The following EHMT1 variants were observed in gnomAD, a reference collection of about 807,000 sequenced individuals.
The protein encoded by EHMT1 is euchromatic histone lysine methyltransferase 1.
A neutral mutation model predicts 147.2 loss-of-function variants in EHMT1; 15 were observed. That is an observed-to-expected ratio of 0.10 (90% CI 0.07 to 0.16). The LOEUF is 0.16. Among genes scored for constraint, EHMT1 ranks in the 10% least tolerant of loss-of-function variants. The pLI is 1.00. For synonymous variants in EHMT1, 795 were observed against 709.6 expected (o/e 1.12, Z -1.91); for missense variants, 1,587 against 1,772.4 (o/e 0.90, Z 1.88).
intron 2 of EHMT1, among the ~76,000 whole-genome samples, chr9:137,713,053 G>T (rs1944884538): frequency 6.6e-6 from 1 of 152,104 alleles, no homozygotes; most frequent in South Asian, 2.1e-4. Flanking sequence ...TCATTGAATT[G>T]TTCTTGCACC....
chr9:137,641,384 T>G (rs1375940166), intron 1 of EHMT1: 1 of 522,622 alleles, frequency 1.9e-6, no homozygotes, highest in Non-Finnish European at 3.8e-6. Context: ...AAAAACCTAT[T>G]CTGTAACCTG....
rs1056159091 is a variant in EHMT1 at position 137,758,149 on chromosome 9, G to A, written c.1501+138G>A. The A allele has an allele frequency of 8.3e-6, 10 of 1,204,854 alleles. No individual in the cohort carries two copies. The African/African-American group carries it at 1.5e-4, about 18-fold the overall frequency. The allele number at this position is 1,204,854 out of a possible 1,614,324, so 74.6% of individuals were successfully genotyped here. The stretch of plus-strand genomic sequence containing the variant: ...TAACTGCATCACTTCCAGCTGAGGT[G>A]TAGACAGGATGGGGTGCGTTTGCTG... On this transcript the variant is annotated intron_variant, in intron 9 of 26. Transcript: ENST00000460843.
chr9:137,802,797 T>G (rs762639684), intron 18 of EHMT1: 50 of 1,231,466 alleles, frequency 4.1e-5, no homozygotes, highest in Non-Finnish European at 5.1e-5. Flanking sequence ...AGGGCTTCCA[T>G]GACTGTATCC....
intron 1 of EHMT1, among the ~76,000 whole-genome samples, chr9:137,632,651 G>T (rs1843707833): frequency 3.9e-5 from 6 of 152,174 alleles, no homozygotes; most frequent in African/African-American, 1.2e-4. Flanking sequence ...CCATCTGCCT[G>T]CCTTGGCCTC....
intron 26 of EHMT1, 67 bp downstream of exon 26, chr9:137,834,591 A>C: frequency 6.2e-7 from 1 of 1,603,362 alleles, no homozygotes; most frequent in South Asian, 1.1e-5. Context: ...CGGGGCTCGC[A>C]TTGCTTTCCT....
At chr9:137,621,056 A>C (rs758468206) in intron 1 of EHMT1, among the ~76,000 whole-genome samples, 3 of 152,240 alleles carry the variant, frequency 2.0e-5, no homozygotes, top group Admixed American at 1.3e-4. Flanking sequence ...GTGGCCAAGA[A>C]GATGGAGTTG....
chr9:137,717,224 CTT>C (rs2135514317), intron 3 of EHMT1, 42 bp downstream of exon 3: 1 of 1,604,354 alleles, frequency 6.2e-7, no homozygotes, highest in South Asian at 1.1e-5. Context: ...TTTCCCATCT[CTT>C]TTGTTTTAAT....
intron 3 of EHMT1, 156 bp downstream of exon 3, chr9:137,717,338 T>TA: frequency 1.0e-6 from 1 of 978,736 alleles, no homozygotes; most frequent in Non-Finnish European, 1.6e-6. Flanking sequence ...AGCAGTGGCT[T>TA]ACAGCTGTTA....
intron 8 of EHMT1, among the ~76,000 whole-genome samples, chr9:137,757,340 G>T (rs189377787): frequency 6.6e-6 from 1 of 152,220 alleles, no homozygotes; most frequent in Non-Finnish European, 1.5e-5. Flanking sequence ...TACTGGAGTC[G>T]ACACTGATCC....
At chr9:137,779,820 G>C in intron 14 of EHMT1, 103 bp downstream of exon 14, 1 of 1,338,058 alleles carries the variant, frequency 7.5e-7, no homozygotes, top group South Asian at 1.2e-5. Context: ...GTCTCGTTTT[G>C]GTTTTCTGTT....
intron 14 of EHMT1, among the ~76,000 whole-genome samples, chr9:137,781,483 A>G (rs913693840): frequency 1.6e-4 from 23 of 147,802 alleles, no homozygotes; most frequent in South Asian, 4.3e-4. Flanking sequence ...ATGACGCTGG[A>G]ATGTGTGGTG....
At chr9:137,644,441 C>T (rs183411389) in intron 1 of EHMT1, among the ~76,000 whole-genome samples, 1 of 151,936 alleles carries the variant, frequency 6.6e-6, no homozygotes, top group Non-Finnish European at 1.5e-5. Context: ...TCTCCTTCCT[C>T]AGCCTCCCGA....
Position 137,786,580 on chromosome 9 carries a change from G to A in EHMT1, c.2382+4183G>A, listed in dbSNP as rs548392108. ...TCTCTCCCGGGCTCCGGTCTTGGTCGTGTGGAGTCATCTCTCCCGGGCTCT... is the reference window on the plus strand; with the variant it reads ...TCTCTCCCGGGCTCCGGTCTTGGTCATGTGGAGTCATCTCTCCCGGGCTCT... On this transcript the variant is annotated intron_variant, in intron 15 of 26. Transcript: ENST00000460843. The surrounding 1 kb of genome is among the most constrained non-coding windows in gnomAD (Gnocchi z 4.3). 8 of 154,232 alleles carry A rather than the reference G, an allele frequency of 5.2e-5. No individual in the cohort carries two copies. The highest frequency in any genetic ancestry group is 1.9e-4 in the East Asian group (1 of 5,148). 9.6% of individuals were successfully genotyped at this position (154,232 alleles called of 1,614,324 possible). A position where few individuals can be genotyped will look rare whatever the true frequency, so the allele number is the denominator to read the frequency against.
intron 1 of EHMT1, among the ~76,000 whole-genome samples, chr9:137,695,825 C>T (rs1684410420): frequency 6.6e-6 from 1 of 152,218 alleles, no homozygotes; most frequent in African/African-American, 2.4e-5. Flanking sequence ...AGGGGGATAC[C>T]GACCCACCTC....
At chr9:137,728,834 T>C (rs561706052) in intron 4 of EHMT1, among the ~76,000 whole-genome samples, 6 of 152,182 alleles carry the variant, frequency 3.9e-5, no homozygotes, top group Non-Finnish European at 8.8e-5. Context: ...AGTTGGAAGC[T>C]TTCCTGGTTT....
intron 17 of EHMT1, among the ~76,000 whole-genome samples, chr9:137,799,879 T>C (rs4876948): frequency 0.83 from 126,903 of 152,272 alleles, 53,425 homozygotes; most frequent in East Asian, 1. Context: ...TGAAGCATCC[T>C]CTGACCTCTT....
intron 1 of EHMT1, among the ~76,000 whole-genome samples, chr9:137,647,366 C>T (rs1381605286): frequency 6.6e-6 from 1 of 152,128 alleles, no homozygotes; most frequent in African/African-American, 2.4e-5. Context: ...CTTGGTCTGC[C>T]TCTCGCCCCG....
Position 137,782,237 on chromosome 9 carries a change from G to C in EHMT1, c.2276-54G>C, listed in dbSNP as rs1395108306. 1 of 1,507,682 alleles carries C rather than the reference G, an allele frequency of 6.6e-7. No individual in the cohort carries two copies. Among genetic ancestry groups the C allele is most frequent in the Admixed American group, 1.8e-5 (1 of 55,188 alleles). 93.4% of individuals were successfully genotyped at this position (1,507,682 alleles called of 1,614,324 possible). ...TTGCCAGCCATCGTGACAGTCCTGAGCTGGAGTCTGTGGCTACATCTGAAA... is the reference window on the plus strand; with the variant it reads ...TTGCCAGCCATCGTGACAGTCCTGACCTGGAGTCTGTGGCTACATCTGAAA... On this transcript the variant is annotated intron_variant, in intron 14 of 26. Coordinates refer to ENST00000460843, the MANE Select transcript of EHMT1 (RefSeq NM_024757.5). The surrounding 1 kb of genome is among the most constrained non-coding windows in gnomAD (Gnocchi z 5.7).
intron 4 of EHMT1, among the ~76,000 whole-genome samples, chr9:137,740,190 C>A (rs1293827420): frequency 6.6e-6 from 1 of 152,198 alleles, no homozygotes; most frequent in Non-Finnish European, 1.5e-5. Context: ...CACCCCACGC[C>A]CATTTCCACT....
Sources: allele counts gnomAD v4.1 joint callset (sites outside exome capture counted in the v4.1 genomes callset), GRCh38; gene constraint gnomAD v4.1.1; non-coding constraint Gnocchi (gnomAD v3.1); transcripts MANE v1.5; gene names NCBI Gene and HGNC (gene_info 2026-07-23, HGNC 2026-07-21).